Variants in FAM78B observed in about 807,000 individuals in gnomAD.
The protein encoded by FAM78B is protein FAM78B.
FAM78B carries 10 observed loss-of-function variants against 20.0 expected under a neutral mutation model. The observed-to-expected ratio is 0.50, with a 90% CI of 0.31 to 0.85. The LOEUF is 0.85. FAM78B is among the 40% of genes least tolerant of loss of function. The pLI, the probability that FAM78B is intolerant of heterozygous loss-of-function variation, is 0.05. For synonymous variants in FAM78B, 135 were observed against 132.8 expected (o/e 1.02, Z -0.12); for missense variants, 283 against 345.0 (o/e 0.82, Z 1.42).
intron 1 of FAM78B, among the ~76,000 whole-genome samples, chr1:166,072,839 G>A (rs1386249325): frequency 6.6e-6 from 1 of 152,158 alleles, no homozygotes; most frequent in Non-Finnish European, 1.5e-5. Flanking sequence ...ATTTGGTTTT[G>A]AGTGGATGTA....
intron 1 of FAM78B, among the ~76,000 whole-genome samples, chr1:166,140,186 G>A (rs1456007003): frequency 6.6e-6 from 1 of 152,146 alleles, no homozygotes; most frequent in Admixed American, 6.5e-5. Flanking sequence ...CCCCAGCAAG[G>A]CTTCAAATGT....
intron 1 of FAM78B, among the ~76,000 whole-genome samples, chr1:166,140,062 C>T (rs535502794): frequency 2.1e-4 from 32 of 152,320 alleles, no homozygotes; most frequent in Non-Finnish European, 3.4e-4. Context: ...TGAGCAGGAA[C>T]GAGCTTAGAG....
chr1:166,152,527 C>T (rs1360809861), intron 1 of FAM78B, among the ~76,000 whole-genome samples: 1 of 152,124 alleles, frequency 6.6e-6, no homozygotes, highest in African/African-American at 2.4e-5. Context: ...CTTTCATACT[C>T]CCTCTCTGCT....
Position 166,158,975 on chromosome 1 carries a change from C to G in FAM78B, c.263+7011G>C, listed in dbSNP as rs1656029913. On this transcript the variant is annotated intron_variant, in intron 1 of 1. Transcript: ENST00000354422. Reference sequence around the variant, plus strand: ...CTTCTTGTGGCCTGCTTGGTGTTAACACAACAGAAGTTGTGGCCCCTCTGT... The same window carrying G: ...CTTCTTGTGGCCTGCTTGGTGTTAAGACAACAGAAGTTGTGGCCCCTCTGT... Among the ~76,000 whole-genome samples the G allele has an allele frequency of 2.0e-5, 3 of 152,240 alleles. No homozygotes were observed. In the South Asian group the frequency reaches 6.2e-4, roughly 32 times the overall value.
chr1:166,065,601 T>C (rs10918332), downstream of FAM78B, among the ~76,000 whole-genome samples: 35,273 of 152,114 alleles, frequency 0.23, 4,689 homozygotes, highest in Middle Eastern at 0.32. Context: ...TGATGGGCTC[T>C]GTCATGGGCA....
intron 1 of FAM78B, chr1:166,081,323 C>T (rs985869042): frequency 6.6e-6 from 1 of 152,176 alleles, no homozygotes; most frequent in African/African-American, 2.4e-5. Context: ...GGTCAGGTTA[C>T]CTTGTGCCCT....
chr1:166,164,723 T>G (rs936838865), intron 1 of FAM78B: 1 of 152,216 alleles, frequency 6.6e-6, no homozygotes, highest in Non-Finnish European at 1.5e-5. Context: ...AAACTGCTGC[T>G]AAAAAGATGG....
At chr1:166,165,778 G>C (rs1054386279) in intron 1 of FAM78B, among the ~76,000 whole-genome samples, 4 of 152,038 alleles carry the variant, frequency 2.6e-5, no homozygotes, top group Non-Finnish European at 5.9e-5. Flanking sequence ...AGCAAACCAC[G>C]AGAAAATGCC....
intron 1 of FAM78B, among the ~76,000 whole-genome samples, chr1:166,112,188 T>TA (rs1229008787): frequency 2.8e-4 from 43 of 152,354 alleles, no homozygotes; most frequent in African/African-American, 1.0e-3. Context: ...TACCAGGGAT[T>TA]AGCCTTCTTA....
intron 1 of FAM78B, among the ~76,000 whole-genome samples, chr1:166,147,388 T>C (rs1056834828): frequency 6.6e-6 from 1 of 152,314 alleles, no homozygotes; most frequent in Admixed American, 6.5e-5. Context: ...TGCAGCCAGC[T>C]CAGGCCAGAC....
chr1:166,131,656 A>C (rs1157250674), intron 1 of FAM78B, among the ~76,000 whole-genome samples: 1 of 152,200 alleles, frequency 6.6e-6, no homozygotes. Flanking sequence ...TATGAAGAAG[A>C]CTGGGGAGAA....
intron 1 of FAM78B, among the ~76,000 whole-genome samples, chr1:166,093,893 G>A (rs1054027008): frequency 2.0e-5 from 3 of 152,006 alleles, no homozygotes; most frequent in African/African-American, 7.2e-5. Flanking sequence ...GAATAGGGCT[G>A]CTGCAGAGGG....
chr1:166,133,543 GATTT>G (rs1280205734), intron 1 of FAM78B, among the ~76,000 whole-genome samples: 2 of 150,736 alleles, frequency 1.3e-5, no homozygotes, highest in Non-Finnish European at 2.9e-5. Flanking sequence ...TAATTTCAAT[GATTT>G]ATTAAAATAT....
At chr1:166,132,715 T>C (rs1459810999) in intron 1 of FAM78B, among the ~76,000 whole-genome samples, 2 of 152,178 alleles carry the variant, frequency 1.3e-5, no homozygotes. Context: ...CAAAAGCCAC[T>C]TGCTTCTAGT....
At chr1:166,057,749 G>A in exon 3 of FAM78B, 1 of 152,206 alleles carries the variant, frequency 6.6e-6, no homozygotes, top group East Asian at 1.9e-4. Flanking sequence ...GGAAATACAT[G>A]GTGTAGGGGA....
intron 1 of FAM78B, among the ~76,000 whole-genome samples, chr1:166,150,884 A>C (rs567896566): frequency 2.7e-4 from 41 of 152,314 alleles, no homozygotes; most frequent in African/African-American, 9.9e-4. Flanking sequence ...CAGGAGTTTG[A>C]GACTAGCCTG....
intron 1 of FAM78B, among the ~76,000 whole-genome samples, chr1:166,124,424 G>A (rs757782317): frequency 3.9e-5 from 6 of 152,204 alleles, no homozygotes; most frequent in Admixed American, 6.5e-5. Context: ...CACTGTTCTA[G>A]GCATTTGGTA....
intron 1 of FAM78B, among the ~76,000 whole-genome samples, chr1:166,153,780 G>C (rs2101800288): frequency 6.6e-6 from 1 of 152,218 alleles, no homozygotes. Context: ...AAGCCAGGCA[G>C]GCAGTGATGG....
chr1:166,117,275 T>C (rs1317216053), intron 1 of FAM78B, among the ~76,000 whole-genome samples: 1 of 152,226 alleles, frequency 6.6e-6, no homozygotes, highest in Non-Finnish European at 1.5e-5. Context: ...TTGCATTTTG[T>C]ATCTTGTGGG....
Sources: gnomAD v4.1 joint callset for allele counts (sites outside exome capture counted in the v4.1 genomes callset) on GRCh38, gnomAD v4.1.1 for gene constraint, MANE v1.5 for transcripts, NCBI Gene and HGNC (gene_info 2026-07-23, HGNC 2026-07-21) for gene names.